COL6A1: variants seen among roughly 807,000 people sequenced by gnomAD.
The protein encoded by COL6A1 is collagen type VI alpha 1 chain.
COL6A1 carries 80 observed loss-of-function variants against 145.6 expected under a neutral mutation model. That is an observed-to-expected ratio of 0.55 (90% CI 0.46 to 0.66). The LOEUF (loss-of-function observed/expected upper bound fraction) is 0.66, where lower values mean the gene tolerates loss of function less well. COL6A1 is among the 30% of genes least tolerant of loss of function. The pLI, the probability that COL6A1 is intolerant of heterozygous loss-of-function variation, is 0.00. For synonymous variants in COL6A1, 638 were observed against 622.8 expected, an observed-to-expected ratio of 1.02 and a Z score of -0.36; for missense variants, 1,364 against 1,473.8, an observed-to-expected ratio of 0.93 and a Z score of 1.22.
intron 31 of COL6A1, 69 bp downstream of exon 31, chr21:46,002,139 C>T: frequency 1.9e-6 from 3 of 1,576,498 alleles, no homozygotes; most frequent in Non-Finnish European, 2.6e-6. Flanking sequence ...GCAGGTCGGC[C>T]CTGACCCCTG....
At chr21:45,982,042 C>A in intron 1 of COL6A1, 95 bp downstream of exon 1, 1 of 1,017,518 alleles carries the variant, frequency 9.8e-7, no homozygotes, top group Non-Finnish European at 1.5e-6. Flanking sequence ...CGTGGAACTG[C>A]AGACTGGGGG....
rs1399133718 is a variant in COL6A1, at chr21:45,990,029, GCC to G, written c.931-228_931-227del. 6.3e-4 allele frequency among the ~76,000 whole-genome samples: 4 copies of G among 6,348 alleles called. No homozygotes were observed. The East Asian group carries it at 0.038, about 60-fold the overall frequency. 4.2% of individuals were successfully genotyped at this position (6,348 alleles called of 152,430 possible). A position where few individuals can be genotyped will look rare whatever the true frequency, so the allele number is the denominator to read the frequency against. The stretch of plus-strand genomic sequence containing the variant: ...CCCCCGGGCGGTTACCCTCTGCGGA[GCC>G]GGGGGTCCCCCGGGCGGTTACCCTC... On this transcript the variant is annotated intron_variant, in intron 11 of 34. Transcript: ENST00000361866.
At chr21:45,999,573 G>A in intron 26 of COL6A1, 84 bp from the exon 27 acceptor site, 1 of 1,467,496 alleles carries the variant, frequency 6.8e-7, no homozygotes, top group Non-Finnish European at 9.4e-7. Flanking sequence ...GAGGGGCAGG[G>A]CCCTGGGGGT....
intron 29 of COL6A1, 45 bp from the exon 30 acceptor site, chr21:46,001,186 GTGGAGGGGAGGGGCCAGGGCAC>G (rs1389032379): frequency 2.2e-5 from 35 of 1,576,094 alleles, no homozygotes; most frequent in East Asian, 4.5e-5. Flanking sequence ...GGCCAGGGCG[GTGGAGGGGAGGGGCCAGGGCAC>G]TGGAGGGGAG....
intron 8 of COL6A1, among the ~76,000 whole-genome samples, chr21:45,988,731 G>A (rs1007610203): frequency 6.6e-6 from 1 of 152,288 alleles, no homozygotes. Flanking sequence ...ATGGACCTCA[G>A]ATTTCTGGCT....
In COL6A1 at chr21:45,981,967, G is replaced by C. The variant is rs114178849; in HGVS notation, c.97+20G>C. 6.4e-7 allele frequency: 1 copy of C among 1,567,834 alleles called. No homozygotes were observed. Among genetic ancestry groups the C allele is most frequent in the South Asian group, 1.1e-5 (1 of 87,606 alleles). On this transcript the variant is annotated intron_variant, in intron 1 of 34. Transcript: ENST00000361866. The stretch of plus-strand genomic sequence containing the variant: ...TCCAGGGTGAGTGGTGGCTTGGGGT[G>C]CAGGCTCCAGACCCCCCGCTCTTTG...
rs891404688 is a variant in COL6A1 at position 45,987,410 on chromosome 21, C to T, written c.739-89C>T. ...GTGCGTCCATCCGTGTGTCCGTCTG[C>T]CCATGTGCCTGGGTCGCATGTCACC... On this transcript the variant is annotated intron_variant, in intron 6 of 34. Transcript: ENST00000361866. 6.3e-6 allele frequency: 10 copies of T among 1,577,712 alleles called. No individual in the cohort carries two copies. In the African/African-American group the frequency reaches 1.3e-4, roughly 21 times the overall value.
At chr21:45,999,797 G>GA in intron 27 of COL6A1, 105 bp downstream of exon 27, 2 of 957,400 alleles carry the variant, frequency 2.1e-6, no homozygotes, top group Non-Finnish European at 3.1e-6. Flanking sequence ...GCTCACGGGG[G>GA]GGTGGGTTGT....
At chr21:45,987,551 C>T (rs762107525) in intron 7 of COL6A1, 32 bp downstream of exon 7, 18 of 1,612,654 alleles carry the variant, frequency 1.1e-5, no homozygotes, top group Middle Eastern at 1.6e-4. Flanking sequence ...TGACCCCGCG[C>T]CCTGCACCCT....
rs747761788 is a variant in COL6A1, at chr21:46,000,731, TCTAA to T, written c.1814-25_1814-22del. 2.7e-5 allele frequency: 43 copies of T among 1,613,858 alleles called. No homozygotes were observed. In the Middle Eastern group the frequency reaches 9.9e-4, roughly 37 times the overall value. ...GTGCGCAGGACGCGGCCCTGACTGG[TCTAA>T]CTGACTCTTTCTCTTCTCCTCAGCT... On this transcript the variant is annotated intron_variant, in intron 28 of 34. Transcript: ENST00000361866.
rs61751027 is a variant in COL6A1, at chr21:45,986,676, C to T, written c.579C>T (p.Pro193=). 1,381 of 1,547,322 alleles carry T rather than the reference C, an allele frequency of 8.9e-4. 14 individuals carry two copies. The African/African-American group carries it at 0.016, about 18-fold the overall frequency. ...AAGTCTTCTCGGTGGCCATCACACC[C>T]GACCACCTGGTAGGCACCGGCCCCC... ...GVKVFSVAIT[P]DHLEPRLSII... Residue 193 remains proline, a synonymous_variant, in exon 4 of 35, where the codon CCC becomes CCT. Transcript: ENST00000361866.
intron 3 of COL6A1, 146 bp from the exon 4 acceptor site, chr21:45,986,380 C>A: frequency 5.4e-6 from 4 of 738,840 alleles, no homozygotes; most frequent in Non-Finnish European, 8.9e-6. Flanking sequence ...AGGTTCTTTT[C>A]AGTAACCCCC....
At position 45,981,866 on chromosome 21, in the gene COL6A1, G is replaced by C. The variant is rs2077708924; in HGVS notation, c.16G>C (p.Ala6Pro). MRAARALLPLLLQACW... is the reference protein window; with the variant it reads MRAARPLLPLLLQACW... ...GGCCCCAGACATGAGGGCGGCCCGT[G>C]CTCTGCTGCCCCTGCTGCTGCAGGC... Residue 6 changes from alanine (A) to proline (P), a missense_variant, in exon 1 of 35, where the codon GCT becomes CCT. Around this residue, in one of 3 missense-constraint regions of COL6A1, gnomAD observed 414 missense variants for 437.6 expected, o/e 0.95. Transcript: ENST00000361866. 2 of 1,594,650 alleles carry C rather than the reference G, an allele frequency of 1.3e-6. No homozygotes were observed. Among genetic ancestry groups the C allele is most frequent in the African/African-American group, 2.7e-5 (2 of 74,270 alleles).
chr21:45,995,240 A>G (rs908612559), intron 20 of COL6A1, among the ~76,000 whole-genome samples: 48 of 152,252 alleles, frequency 3.2e-4, no homozygotes, highest in African/African-American at 1.1e-3. Context: ...CGGCAGGGGC[A>G]GAAAGGGCTC....
chr21:46,001,783 A>G (rs1467784151), intron 30 of COL6A1, among the ~76,000 whole-genome samples, 178 bp from the exon 31 acceptor site: 1 of 151,448 alleles, frequency 6.6e-6, no homozygotes, highest in African/African-American at 2.4e-5. Context: ...CAGGGTACCC[A>G]GGTCCCGGGG....
At chr21:45,998,036 G>A in intron 22 of COL6A1, 85 bp from the exon 23 acceptor site, 2 of 1,530,594 alleles carry the variant, frequency 1.3e-6, no homozygotes, top group African/African-American at 1.4e-5. Flanking sequence ...GGGCCCTGCG[G>A]GTGAGGTGCT....
chr21:45,997,807 C>A, intron 22 of COL6A1, 45 bp downstream of exon 22: 1 of 1,547,544 alleles, frequency 6.5e-7, no homozygotes, highest in Non-Finnish European at 8.7e-7. Flanking sequence ...GCCTGGCCGC[C>A]AGAGGCCCTG....
At chr21:45,986,904 G>A (rs1028686739) in intron 4 of COL6A1, 40 bp from the exon 5 acceptor site, 1 of 1,538,010 alleles carries the variant, frequency 6.5e-7, no homozygotes, top group Admixed American at 2.0e-5. Context: ...GCCGTCAGGG[G>A]TCCCAGCCCT....
rs985342849 is a variant in COL6A1 at position 45,986,817 on chromosome 21, G to A, written c.589-127G>A. 92 of 1,520,012 alleles carry A rather than the reference G, an allele frequency of 6.1e-5. 1 individual carries two copies. The South Asian group carries it at 1.0e-3, about 17-fold the overall frequency. 94.2% of individuals were successfully genotyped at this position (1,520,012 alleles called of 1,614,324 possible). ...TCCAGCCGGCCACCCTTGCCCCTGA[G>A]AGGCCAGCCCCTCCTGCTGAGGAGC... On this transcript the variant is annotated intron_variant, in intron 4 of 34. Transcript: ENST00000361866.
Sources: gnomAD v4.1 joint callset for allele counts (sites outside exome capture counted in the v4.1 genomes callset) on GRCh38, gnomAD v4.1.1 for gene constraint, gnomAD v4.1.1 regional missense constraint, MANE v1.5 for transcripts, NCBI Gene and HGNC (gene_info 2026-07-23, HGNC 2026-07-21) for gene names.